SIK3: variants seen among roughly 807,000 people sequenced by gnomAD.
The protein encoded by SIK3 is SIK family kinase 3.
SIK3 carries 28 observed loss-of-function variants against 144.2 expected under a neutral mutation model. That is an observed-to-expected ratio of 0.19 (90% CI 0.14 to 0.27). The LOEUF is 0.27. Among genes scored for constraint, SIK3 ranks in the 10% least tolerant of loss-of-function variants. The probability of loss-of-function intolerance (pLI) is 1.00; values close to 1 mark genes in which losing one functional copy is unlikely to be tolerated. For missense variants in SIK3, 1,319 were observed against 1,776.0 expected, an observed-to-expected ratio of 0.74 and a Z score of 4.62; for synonymous variants, 686 against 676.3, an observed-to-expected ratio of 1.01 and a Z score of -0.22.
intron 13 of SIK3, 136 bp downstream of exon 13, chr11:116,873,345 T>C (rs1415815804): frequency 8.5e-7 from 1 of 1,169,838 alleles, no homozygotes; most frequent in African/African-American, 1.6e-5. Context: ...CTGAAGAAAA[T>C]GGGCTGGAGC....
At chr11:116,903,930 A>G (rs1020482369) in intron 4 of SIK3, among the ~76,000 whole-genome samples, 2 of 152,182 alleles carry the variant, frequency 1.3e-5, no homozygotes, top group African/African-American at 4.8e-5. Context: ...TTGAACCTAG[A>G]AAACCATTTC....
At chr11:117,070,643 G>A (rs1375802248) in intron 1 of SIK3, among the ~76,000 whole-genome samples, 5 of 151,462 alleles carry the variant, frequency 3.3e-5, no homozygotes, top group African/African-American at 9.7e-5. Context: ...ACAGGGTTTC[G>A]CCATGTTGGC....
intron 1 of SIK3, among the ~76,000 whole-genome samples, chr11:116,976,125 C>G (rs949026958): frequency 6.6e-6 from 1 of 152,110 alleles, no homozygotes; most frequent in Non-Finnish European, 1.5e-5. Flanking sequence ...ATCAGATGTA[C>G]GATTTGCAAA....
intron 4 of SIK3, among the ~76,000 whole-genome samples, chr11:116,919,498 G>C (rs952454407): frequency 3.9e-5 from 6 of 151,984 alleles, no homozygotes; most frequent in Non-Finnish European, 7.4e-5. Context: ...TCTGGGAGTC[G>C]ACATTTAAAG....
chr11:116,901,113 C>T (rs1945714885), intron 4 of SIK3, among the ~76,000 whole-genome samples: 1 of 152,190 alleles, frequency 6.6e-6, no homozygotes, highest in African/African-American at 2.4e-5. Context: ...GATCAGCCCA[C>T]CTCGGCCTCC....
At chr11:116,864,609 G>A (rs1188749051) in intron 15 of SIK3, 1 of 152,216 alleles carries the variant, frequency 6.6e-6, no homozygotes, top group African/African-American at 2.4e-5. Flanking sequence ...AGACAGCATC[G>A]GGGTTAGAAG....
chr11:117,020,336 C>A (rs74480340), intron 1 of SIK3, among the ~76,000 whole-genome samples: 1 of 148,496 alleles, frequency 6.7e-6, no homozygotes, highest in African/African-American at 2.5e-5. Flanking sequence ...ATACTGTATT[C>A]GGCCTCTTGC....
chr11:117,080,444 T>C (rs1821385982), intron 1 of SIK3, among the ~76,000 whole-genome samples: 1 of 152,200 alleles, frequency 6.6e-6, no homozygotes, highest in African/African-American at 2.4e-5. Context: ...CAGAACATTG[T>C]ATATATCATG....
chr11:116,984,941 G>A (rs912227279), intron 1 of SIK3, among the ~76,000 whole-genome samples: 48 of 152,264 alleles, frequency 3.2e-4, no homozygotes, highest in Non-Finnish European at 5.6e-4. Context: ...ACCTACAAAA[G>A]GTTCTTTCAG....
intron 1 of SIK3, among the ~76,000 whole-genome samples, chr11:116,992,103 C>T (rs959836446): frequency 6.6e-6 from 1 of 152,078 alleles, no homozygotes; most frequent in African/African-American, 2.4e-5. Flanking sequence ...GCGGGCAGAA[C>T]ACTTGAGGTC....
intron 1 of SIK3, among the ~76,000 whole-genome samples, chr11:117,064,101 A>G (rs1040455072): frequency 1.3e-5 from 2 of 152,206 alleles, no homozygotes; most frequent in Admixed American, 1.3e-4. Context: ...GCTGCTCAGG[A>G]TAAAGCCAGG....
At chr11:117,064,877 C>G (rs1953939778) in intron 1 of SIK3, among the ~76,000 whole-genome samples, 1 of 152,072 alleles carries the variant, frequency 6.6e-6, no homozygotes. Context: ...GTCGGCCAGG[C>G]GGTGGCTCAC....
chr11:116,879,261 C>T (rs6589577), intron 6 of SIK3, among the ~76,000 whole-genome samples: 130,307 of 152,222 alleles, frequency 0.86, 56,482 homozygotes, highest in African/African-American at 0.9. Flanking sequence ...ACAAAACTGG[C>T]CAGTGAAAAT....
intron 1 of SIK3, among the ~76,000 whole-genome samples, chr11:117,003,002 T>C (rs1040397473): frequency 2.6e-5 from 4 of 152,258 alleles, no homozygotes; most frequent in Admixed American, 1.3e-4. Flanking sequence ...CAGTCAGTGT[T>C]CTGCCTTAAG....
rs141531153 is a variant in SIK3 at position 116,869,910 on chromosome 11, A to G, written c.1808+421T>C. 748 of 367,072 alleles carry G rather than the reference A, an allele frequency of 2.0e-3. 1 individual carries two copies. Among genetic ancestry groups the G allele is most frequent in the Middle Eastern group, 3.9e-3 (4 of 1,038 alleles). 22.7% of individuals were successfully genotyped at this position (367,072 alleles called of 1,614,324 possible). A position where few individuals can be genotyped will look rare whatever the true frequency, so the allele number is the denominator to read the frequency against. ...GTACAAGAGGTATTCATTCTCCTGGAAAGGAAAAGTCCATGCCAGAGGTCC... is the reference window on the plus strand; with the variant it reads ...GTACAAGAGGTATTCATTCTCCTGGGAAGGAAAAGTCCATGCCAGAGGTCC... On this transcript the variant is annotated intron_variant, in intron 14 of 24. Transcript: ENST00000445177.
At chr11:117,023,650 C>T (rs1239917533) in intron 1 of SIK3, among the ~76,000 whole-genome samples, 1 of 131,946 alleles carries the variant, frequency 7.6e-6, no homozygotes, top group East Asian at 2.2e-4. Flanking sequence ...ATATATTGCA[C>T]ACTGCACTAT....
intron 1 of SIK3, among the ~76,000 whole-genome samples, chr11:117,075,277 AAATGGGGTAGGCATAGCATCTCCTC>A (rs1954462583): frequency 2.0e-5 from 3 of 152,216 alleles, no homozygotes; most frequent in Non-Finnish European, 2.9e-5. Context: ...ATAGTTCCCT[AAATGGGGTAGGCATAGCATCTCCTC>A]ATACAACTAT....
chr11:116,967,515 C>T (rs1466297994), intron 1 of SIK3, among the ~76,000 whole-genome samples: 2 of 152,120 alleles, frequency 1.3e-5, no homozygotes, highest in Non-Finnish European at 1.5e-5. Flanking sequence ...ACACAGTCTG[C>T]GTGAAGTAGC....
At chr11:116,875,821 C>A in intron 9 of SIK3, 45 bp downstream of exon 9, 2 of 1,559,876 alleles carry the variant, frequency 1.3e-6, no homozygotes, top group Non-Finnish European at 1.7e-6. Context: ...CTTTACCCCC[C>A]TGGTGTTACT....
Sources: allele counts gnomAD v4.1 joint callset (sites outside exome capture counted in the v4.1 genomes callset), GRCh38; gene constraint gnomAD v4.1.1; transcripts MANE v1.5; gene names NCBI Gene and HGNC (gene_info 2026-07-23, HGNC 2026-07-21).